CACNB4: variants seen among roughly 807,000 people sequenced by gnomAD.
CACNB4 encodes the protein calcium voltage-gated channel auxiliary subunit beta 4, also known as voltage-dependent L-type calcium channel subunit beta-4.
A neutral mutation model predicts 71.2 loss-of-function variants in CACNB4; 32 were observed. The observed-to-expected ratio is 0.45, with a 90% CI of 0.34 to 0.60. The LOEUF (loss-of-function observed/expected upper bound fraction) is 0.60. Among genes scored for constraint, CACNB4 ranks in the 20% least tolerant of loss-of-function variants. The pLI is 0.01. For missense variants in CACNB4, 464 were observed against 647.9 expected, an observed-to-expected ratio of 0.72 and a Z score of 3.08; for synonymous variants, 231 against 236.9, an observed-to-expected ratio of 0.97 and a Z score of 0.23.
chr2:152,023,437 CTTT>C (rs11341003), intron 2 of CACNB4, among the ~76,000 whole-genome samples: 1 of 149,752 alleles, frequency 6.7e-6, no homozygotes. Context: ...GTGAGAGGTG[CTTT>C]TTTTTTTTGG....
At chr2:152,078,632 C>T (rs1004557856) in intron 2 of CACNB4, among the ~76,000 whole-genome samples, 1 of 152,206 alleles carries the variant, frequency 6.6e-6, no homozygotes, top group African/African-American at 2.4e-5. Flanking sequence ...ACTTCTGGGT[C>T]ATCCCTTTAA....
intron 2 of CACNB4, chr2:151,936,289 T>C (rs1402934638): frequency 6.6e-6 from 1 of 152,188 alleles, no homozygotes; most frequent in East Asian, 1.9e-4. Flanking sequence ...GCCAACTCTG[T>C]TTATTACACA....
intron 2 of CACNB4, chr2:151,971,878 T>C: frequency 2.3e-6 from 1 of 438,732 alleles, no homozygotes; most frequent in Non-Finnish European, 4.3e-6. Context: ...GTTTCCCACC[T>C]TCCTCACCTC....
At chr2:151,926,920 T>TAA (rs945772232) in intron 2 of CACNB4, among the ~76,000 whole-genome samples, 2 of 152,228 alleles carry the variant, frequency 1.3e-5, no homozygotes, top group Non-Finnish European at 2.9e-5. Context: ...TCTAACTCTC[T>TAA]AAGCCTCAGT....
intron 2 of CACNB4, among the ~76,000 whole-genome samples, chr2:151,961,325 G>C (rs2099869592): frequency 6.6e-6 from 1 of 152,160 alleles, no homozygotes; most frequent in South Asian, 2.1e-4. Context: ...AGACCTCTGG[G>C]TATTTGAAGG....
chr2:151,957,262 G>A lies in CACNB4; in HGVS notation c.148-73892C>T, dbSNP rs11693677. On this transcript the variant is annotated intron_variant, in intron 2 of 13. Transcript: ENST00000539935. ...AAAAAAGTAGAGTGGCTGGGCGTGT[G>A]TGTGTGTGTGTGTGTGTGTGTGTGT... Among the ~76,000 whole-genome samples the A allele has an allele frequency of 7.3e-3, 182 of 24,778 alleles. 2 individuals are homozygous for A. Among genetic ancestry groups the A allele is most frequent in the Middle Eastern group, 0.062 (1 of 16 alleles). The allele number at this position is 24,778 out of a possible 152,430, so 16.3% of individuals were successfully genotyped here. A position where few individuals can be genotyped will look rare whatever the true frequency, so the allele number is the denominator to read the frequency against.
rs2099834821 is a variant in CACNB4, at chr2:151,836,034, A to G, written c.*3085T>C. The G allele has an allele frequency of 6.6e-6, 1 of 151,908 alleles. No homozygotes were observed. The allele number at this position is 151,908 out of a possible 1,614,324, so 9.4% of individuals were successfully genotyped here. On this transcript the variant is annotated 3_prime_UTR_variant, in exon 14 of 14. Transcript: ENST00000539935. ...TGTATAAAGATAAGAGAGAATCATC[A>G]TTTATAAACATTTCTAAGTGTTGCT... is the stretch of plus-strand genomic sequence containing the variant.
At chr2:151,898,365 C>T (rs1014511310) in intron 2 of CACNB4, among the ~76,000 whole-genome samples, 2 of 152,170 alleles carry the variant, frequency 1.3e-5, no homozygotes, top group African/African-American at 4.8e-5. Flanking sequence ...GGGACGGTCA[C>T]CCATCACAGA....
At chr2:151,878,285 G>C (rs111626587) in intron 4 of CACNB4, among the ~76,000 whole-genome samples, 1 of 151,950 alleles carries the variant, frequency 6.6e-6, no homozygotes, top group Non-Finnish European at 1.5e-5. Context: ...GAAGTTCTGG[G>C]TAAACTTTAA....
At chr2:152,097,380 C>T (rs892454408) in intron 2 of CACNB4, among the ~76,000 whole-genome samples, 1 of 152,192 alleles carries the variant, frequency 6.6e-6, no homozygotes, top group Non-Finnish European at 1.5e-5. Context: ...GTCACTCCAG[C>T]AGCCCACAGG....
At chr2:151,901,032 C>G (rs531270433) in intron 2 of CACNB4, among the ~76,000 whole-genome samples, 3 of 123,776 alleles carry the variant, frequency 2.4e-5, no homozygotes, top group African/African-American at 9.7e-5. Flanking sequence ...CTCATTCTGT[C>G]GTCTAGGCTG....
At chr2:151,927,229 A>G (rs1389356765) in intron 2 of CACNB4, among the ~76,000 whole-genome samples, 3 of 152,214 alleles carry the variant, frequency 2.0e-5, no homozygotes, top group Non-Finnish European at 2.9e-5. Flanking sequence ...TGTATTGCAG[A>G]TAAGAATGAT....
intron 2 of CACNB4, among the ~76,000 whole-genome samples, chr2:151,927,978 T>C (rs2099860671): frequency 6.6e-6 from 1 of 152,130 alleles, no homozygotes; most frequent in South Asian, 2.1e-4. Flanking sequence ...GGCCACAGAA[T>C]GGAGAGGCAG....
At chr2:151,934,239 G>A (rs752005813) in intron 2 of CACNB4, among the ~76,000 whole-genome samples, 2 of 152,196 alleles carry the variant, frequency 1.3e-5, no homozygotes, top group Non-Finnish European at 2.9e-5. Context: ...TGTAAACTTT[G>A]TAAACTTGGG....
intron 2 of CACNB4, among the ~76,000 whole-genome samples, chr2:152,024,586 G>A (rs560177141): frequency 1.3e-5 from 2 of 152,090 alleles, no homozygotes; most frequent in African/African-American, 4.8e-5. Flanking sequence ...AAACAAAGCA[G>A]TAAGAAATAC....
In CACNB4 at chr2:152,067,152, A is replaced by T. The variant is rs375973128; in HGVS notation, c.147+31178T>A. 2.2e-4 allele frequency among the ~76,000 whole-genome samples: 33 copies of T among 152,170 alleles called. No homozygotes were observed. In the South Asian group the frequency reaches 2.3e-3, roughly 11 times the overall value. On this transcript the variant is annotated intron_variant, in intron 2 of 13. Coordinates refer to ENST00000539935, the MANE Select transcript of CACNB4 (RefSeq NM_000726.5). ...TAAAACTTAAAGTATAATAATAAAT[A>T]AATTAATTAATTAAAAAAAAGAAGT...
At chr2:151,958,061 G>A (rs1178941274) in intron 2 of CACNB4, among the ~76,000 whole-genome samples, 1 of 152,150 alleles carries the variant, frequency 6.6e-6, no homozygotes, top group Non-Finnish European at 1.5e-5. Flanking sequence ...AAGGGACGGA[G>A]TATGGTGATT....
intron 2 of CACNB4, chr2:151,971,602 G>T: frequency 1.4e-6 from 1 of 702,962 alleles, no homozygotes; most frequent in South Asian, 1.5e-5. Flanking sequence ...TCCAGGTGTG[G>T]CTTTATGTGT....
intron 2 of CACNB4, among the ~76,000 whole-genome samples, chr2:152,041,049 G>A (rs901238783): frequency 3.9e-5 from 6 of 152,130 alleles, no homozygotes. Flanking sequence ...GGGCCCTTTG[G>A]GAGCAGACTC....
Sources: gnomAD v4.1 joint callset for allele counts (sites outside exome capture counted in the v4.1 genomes callset) on GRCh38, gnomAD v4.1.1 for gene constraint, MANE v1.5 for transcripts, NCBI Gene and HGNC (gene_info 2026-07-23, HGNC 2026-07-21) for gene names.